The following AGPS variants were observed in gnomAD, a reference collection of about 807,000 sequenced individuals.
AGPS encodes the protein alkyldihydroxyacetonephosphate synthase, peroxisomal.
Under a neutral mutation model 90.7 loss-of-function variants are expected in AGPS, and 26 were observed. The observed-to-expected ratio is 0.29, with a 90% confidence interval of 0.21 to 0.40. AGPS has a LOEUF of 0.40. AGPS is among the 10% of genes least tolerant of loss of function. The pLI, the probability that AGPS is intolerant of heterozygous loss-of-function variation, is 1.00. For missense variants in AGPS, 540 were observed against 816.1 expected, an observed-to-expected ratio of 0.66 and a Z score of 4.12; for synonymous variants, 294 against 285.3, an observed-to-expected ratio of 1.03 and a Z score of -0.31.
rs2079261037 is a variant in AGPS, at chr2:177,543,776, A to AAAT, written c.*5582_*5584dup. On this transcript the variant is annotated 3_prime_UTR_variant, in exon 20 of 20. Transcript: ENST00000264167. ...TCTTAGACTGTATTGTTCTATAAGC[A>AAAT]AATGCCCATGTGTGATTTTTAAGAT... 6.6e-6 allele frequency: 1 copy of AAAT among 152,224 alleles called. No homozygotes were observed. The highest frequency in any genetic ancestry group is 1.5e-5 in the Non-Finnish European group (1 of 68,036). 9.4% of individuals were successfully genotyped at this position (152,224 alleles called of 1,614,324 possible).
chr2:177,508,505 T>G (rs1688775458), intron 16 of AGPS, among the ~76,000 whole-genome samples: 1 of 152,198 alleles, frequency 6.6e-6, no homozygotes. Flanking sequence ...TTATGTACAA[T>G]TTCTGTTTTT....
At chr2:177,416,054 A>T (rs1310205901) in intron 1 of AGPS, among the ~76,000 whole-genome samples, 2 of 152,074 alleles carry the variant, frequency 1.3e-5, no homozygotes, top group Non-Finnish European at 2.9e-5. Flanking sequence ...CCTTTTCCTT[A>T]TTTTCTAGTG....
chr2:177,395,699 A>G (rs1326029426), intron 1 of AGPS, among the ~76,000 whole-genome samples: 1 of 152,236 alleles, frequency 6.6e-6, no homozygotes, highest in Non-Finnish European at 1.5e-5. Flanking sequence ...CTATATGTCA[A>G]TTATTTTGGA....
At chr2:177,421,379 G>A (rs1685935391) in intron 2 of AGPS, among the ~76,000 whole-genome samples, 1 of 151,900 alleles carries the variant, frequency 6.6e-6, no homozygotes, top group Admixed American at 6.6e-5. Flanking sequence ...TAAAATATCA[G>A]CAAAGTAAGT....
rs1172040227 is a variant in AGPS at position 177,436,139 on chromosome 2, A to ATTT, written c.442-608_442-606dup. Reference sequence around the variant, plus strand: ...GCAATTGAAGAATAAGAAATGCTGAATTTTTTTTTTTTTTTTTTTGCGACA... The same window carrying ATTT: ...GCAATTGAAGAATAAGAAATGCTGAATTTTTTTTTTTTTTTTTTTTTTGCGACA... On this transcript the variant is annotated intron_variant, in intron 3 of 19. Coordinates refer to ENST00000264167, the MANE Select transcript of AGPS (RefSeq NM_003659.4). 7.4e-4 allele frequency among the ~76,000 whole-genome samples: 61 copies of ATTT among 82,120 alleles called. 6 individuals carry two copies. The highest frequency in any genetic ancestry group is 2.8e-3 in the African/African-American group (61 of 21,424). 53.9% of individuals were successfully genotyped at this position (82,120 alleles called of 152,430 possible). A position where few individuals can be genotyped will look rare whatever the true frequency, so the allele number is the denominator to read the frequency against.
chr2:177,450,685 C>T (rs1265521981), intron 8 of AGPS, among the ~76,000 whole-genome samples: 3 of 151,870 alleles, frequency 2.0e-5, no homozygotes, highest in Admixed American at 6.6e-5. Flanking sequence ...AGCTTTATCA[C>T]GAGTCTTTTT....
At chr2:177,437,972 T>C (rs762083480) in intron 5 of AGPS, among the ~76,000 whole-genome samples, 1 of 152,194 alleles carries the variant, frequency 6.6e-6, no homozygotes, top group Non-Finnish European at 1.5e-5. Flanking sequence ...ATTTATGAAA[T>C]GTCTTTCATC....
intron 14 of AGPS, among the ~76,000 whole-genome samples, chr2:177,502,340 C>T (rs1206823404): frequency 2.0e-5 from 3 of 150,478 alleles, no homozygotes; most frequent in East Asian, 3.9e-4. Context: ...TAGATGTGGA[C>T]ATCTTCTATT....
At chr2:177,394,565 G>A (rs561775444) in intron 1 of AGPS, among the ~76,000 whole-genome samples, 1 of 152,256 alleles carries the variant, frequency 6.6e-6, no homozygotes, top group South Asian at 2.1e-4. Context: ...TACATGATTA[G>A]ATTTACCTTT....
At chr2:177,509,737 A>C (rs1688817271) in intron 16 of AGPS, among the ~76,000 whole-genome samples, 1 of 152,064 alleles carries the variant, frequency 6.6e-6, no homozygotes, top group Non-Finnish European at 1.5e-5. Flanking sequence ...TTAGTATGAA[A>C]TTAGTTTTTA....
At position 177,529,893 on chromosome 2, in the gene AGPS, C is replaced by T. The variant is rs556156260; in HGVS notation, c.1855+6088C>T. ...TAATTTCTCTGACTTACACTTTCCT[C>T]ACCTGCAAAATGGGAATAATGGTAC... On this transcript the variant is annotated intron_variant, in intron 19 of 19. Coordinates refer to ENST00000264167, the MANE Select transcript of AGPS (RefSeq NM_003659.4). Among the ~76,000 whole-genome samples, 10 of 152,306 alleles carry T rather than the reference C, an allele frequency of 6.6e-5. No homozygotes were observed. The South Asian group carries it at 1.7e-3, about 25-fold the overall frequency.
chr2:177,511,099 G>T (rs534239317), intron 16 of AGPS, among the ~76,000 whole-genome samples: 18 of 151,836 alleles, frequency 1.2e-4, no homozygotes, highest in East Asian at 9.7e-4. Context: ...TACATTTTTT[G>T]TTGTTGTTGT....
rs74916138 is a variant in AGPS, at chr2:177,399,845, T to C, written c.260+6796T>C. Among the ~76,000 whole-genome samples, 611 of 152,354 alleles carry C rather than the reference T, an allele frequency of 4.0e-3. 5 individuals carry two copies. The highest frequency in any genetic ancestry group is 0.032 in the East Asian group (167 of 5,192). On this transcript the variant is annotated intron_variant, in intron 1 of 19. Coordinates refer to ENST00000264167, the MANE Select transcript of AGPS (RefSeq NM_003659.4). ...TTTGAACTTCATGTAAATGGAATCA[T>C]ACAGTGTGTACTTTTTTGTGTTTGG...
chr2:177,425,622 G>GAAAAAAAAAAAAAAAAA (rs1159060576), intron 2 of AGPS, among the ~76,000 whole-genome samples: 1 of 95,278 alleles, frequency 1.0e-5, no homozygotes. Flanking sequence ...ACTCTGCCTA[G>GAAAAAAAAAAAAAAAAA]AAAAAAAAAA....
intron 3 of AGPS, among the ~76,000 whole-genome samples, chr2:177,435,112 TG>T (rs1276095406): frequency 6.6e-6 from 1 of 151,030 alleles, no homozygotes; most frequent in African/African-American, 2.4e-5. Context: ...TTATTTTTGA[TG>T]TGTTTTTATT....
intron 12 of AGPS, among the ~76,000 whole-genome samples, chr2:177,496,994 C>G (rs912306292): frequency 1.3e-5 from 2 of 151,980 alleles, no homozygotes; most frequent in Non-Finnish European, 2.9e-5. Flanking sequence ...AACACTGAGG[C>G]CAGATGCATG....
intron 1 of AGPS, among the ~76,000 whole-genome samples, chr2:177,399,503 T>G (rs540339988): frequency 6.6e-6 from 1 of 152,286 alleles, no homozygotes; most frequent in African/African-American, 2.4e-5. Context: ...ACATTAGCTT[T>G]TTTACTGATA....
chr2:177,521,866 TA>T (rs1276283114), intron 18 of AGPS, among the ~76,000 whole-genome samples: 2 of 152,354 alleles, frequency 1.3e-5, no homozygotes, highest in East Asian at 3.9e-4. Context: ...TTTATTTTTA[TA>T]AAGCTTTCTC....
chr2:177,476,522 A>G (rs1687785757), intron 10 of AGPS, among the ~76,000 whole-genome samples: 1 of 152,098 alleles, frequency 6.6e-6, no homozygotes, highest in African/African-American at 2.4e-5. Context: ...GTGGCTTGAG[A>G]ACATACTTTG....
Sources: gnomAD v4.1 joint callset for allele counts (sites outside exome capture counted in the v4.1 genomes callset) on GRCh38, gnomAD v4.1.1 for gene constraint, MANE v1.5 for transcripts, NCBI Gene and HGNC (gene_info 2026-07-23, HGNC 2026-07-21) for gene names.